Variants in MS4A6A observed in about 807,000 individuals in gnomAD.
The protein encoded by MS4A6A is membrane-spanning 4-domains subfamily A member 6A.
MS4A6A carries 19 observed loss-of-function variants against 20.6 expected under a neutral mutation model. The ratio of observed to expected loss-of-function variants is 0.92; its 90% CI spans 0.64 to 1.36. The LOEUF (loss-of-function observed/expected upper bound fraction) is 1.36. Among genes scored for constraint, MS4A6A ranks in the 40% most tolerant of loss-of-function variants. The pLI, the probability that MS4A6A is intolerant of heterozygous loss-of-function variation, is 0.00. For missense variants in MS4A6A, 272 were observed against 261.1 expected, an observed-to-expected ratio of 1.04 and a Z score of -0.29; for synonymous variants, 108 against 105.0, an observed-to-expected ratio of 1.03 and a Z score of -0.17.
chr11:60,177,679 G>C (rs1590673923), intron 4 of MS4A6A, among the ~76,000 whole-genome samples: 1 of 152,174 alleles, frequency 6.6e-6, no homozygotes, highest in East Asian at 1.9e-4. Flanking sequence ...TGAGATAGAT[G>C]AAAGGATACA....
At position 60,175,577 on chromosome 11, in the gene MS4A6A, G is replaced by A; in HGVS notation, c.374C>T (p.Ala125Val). ...AATGAAACCCACCAGGGCAGACAGA[G>A]CACTCAGAATGCTTCCAACCAGGCT... Reference protein sequence around the residue: ...HSSLVGSILSALSALVGFIIL... With the variant: ...HSSLVGSILSVLSALVGFIIL... The change falls in exon 5 of 6, where the codon GCT becomes GTT. Residue 125 changes from alanine to valine, a missense_variant. Transcript: ENST00000528851. The A allele has an allele frequency of 1.9e-6, 3 of 1,613,836 alleles. No individual in the cohort carries two copies. Among genetic ancestry groups the A allele is most frequent in the Non-Finnish European group, 2.5e-6 (3 of 1,180,018 alleles).
At position 60,172,980 on chromosome 11, in the gene MS4A6A, G is replaced by A. The variant is rs1856655210; in HGVS notation, c.*21C>T. ...GGTGACATACTCAACACAGTGCAGGGATAAGATACACTAGGCAAGGTTAAG... is the reference window on the plus strand; with the variant it reads ...GGTGACATACTCAACACAGTGCAGGAATAAGATACACTAGGCAAGGTTAAG... On this transcript the variant is annotated 3_prime_UTR_variant, in exon 6 of 6. Transcript: ENST00000528851. 1 of 1,613,414 alleles carries A rather than the reference G, an allele frequency of 6.2e-7. No homozygotes were observed. Among genetic ancestry groups the A allele is most frequent in the Non-Finnish European group, 8.5e-7 (1 of 1,179,674 alleles).
At chr11:60,173,259 G>A (rs182617735) in intron 5 of MS4A6A, 130 bp from the exon 6 acceptor site, 44 of 763,318 alleles carry the variant, frequency 5.8e-5, no homozygotes, top group South Asian at 3.0e-4. Context: ...CCATCAGGAA[G>A]ATAAAACTGC....
chr11:60,181,498 C>T (rs755737333), intron 2 of MS4A6A, 83 bp downstream of exon 2: 65 of 1,558,794 alleles, frequency 4.2e-5, no homozygotes, highest in Non-Finnish European at 4.9e-5. Context: ...TCCACACTCA[C>T]GACAGATGTC....
At chr11:60,173,502 T>G (rs564971991) in intron 5 of MS4A6A, among the ~76,000 whole-genome samples, 31 of 152,340 alleles carry the variant, frequency 2.0e-4, no homozygotes, top group African/African-American at 6.0e-4. Context: ...CTTTACTGCT[T>G]AGTAGCTGTG....
At chr11:60,184,506 G>A (rs1451688307), upstream of MS4A6A, 2 of 152,204 alleles carry the variant, frequency 1.3e-5, no homozygotes, top group African/African-American at 2.4e-5. Flanking sequence ...TTTCCCTTCA[G>A]GGGAATGTGC....
chr11:60,178,809 C>G, intron 3 of MS4A6A: 1 of 438,808 alleles, frequency 2.3e-6, no homozygotes, highest in South Asian at 1.6e-5. Context: ...CATCACCACC[C>G]AAAAATTCAT....
At chr11:60,181,298 T>C (rs193256822) in intron 2 of MS4A6A, 42 of 461,576 alleles carry the variant, frequency 9.1e-5, no homozygotes, top group African/African-American at 6.6e-4. Flanking sequence ...TTTACCACCA[T>C]TACTTTTGTA....
intron 2 of MS4A6A, 151 bp downstream of exon 2, chr11:60,181,430 G>C (rs1248168956): frequency 2.5e-6 from 2 of 805,034 alleles, no homozygotes; most frequent in Non-Finnish European, 3.9e-6. Flanking sequence ...AAAAGTTCTG[G>C]GACAGTTTTC....
At chr11:60,178,864 T>C (rs1320497887) in intron 3 of MS4A6A, 1 of 426,452 alleles carries the variant, frequency 2.3e-6, no homozygotes, top group African/African-American at 2.1e-5. Context: ...CAAACCCAAA[T>C]TTAGGAACAT....
chr11:60,178,253 T>C lies in MS4A6A; in HGVS notation c.339+7A>G, dbSNP rs1289242607. 6.2e-7 allele frequency: 1 copy of C among 1,610,336 alleles called. No individual in the cohort carries two copies. The highest frequency in any genetic ancestry group is 8.5e-7 in the Non-Finnish European group (1 of 1,176,618). On this transcript the variant is annotated splice_region_variant and intron_variant, in intron 4 of 5. Coordinates refer to ENST00000528851, the MANE Select transcript of MS4A6A (RefSeq NM_022349.4). ...ATTGGGTTGTGGGTTATAGCTCTCT[T>C]ACTCACCAAAAGCTTGGTTAACCTT...
rs1856629694 is a variant in MS4A6A at position 60,172,520 on chromosome 11, A to C, written c.*481T>G. On this transcript the variant is annotated 3_prime_UTR_variant, in exon 6 of 6. Coordinates refer to ENST00000528851, the MANE Select transcript of MS4A6A (RefSeq NM_022349.4). Reference sequence around the variant, plus strand: ...GGTTTGATTCAACAATACATTTTTAATATAGCTTTAAAAAGGCAAACGAAT... The same window carrying C: ...GGTTTGATTCAACAATACATTTTTACTATAGCTTTAAAAAGGCAAACGAAT... 1.7e-6 allele frequency: 2 copies of C among 1,171,222 alleles called. No homozygotes were observed. Among genetic ancestry groups the C allele is most frequent in the Admixed American group, 8.3e-5 (2 of 24,154 alleles). The allele number at this position is 1,171,222 out of a possible 1,614,324, so 72.6% of individuals were successfully genotyped here. A position where few individuals can be genotyped will look rare whatever the true frequency, so the allele number is the denominator to read the frequency against.
At position 60,182,933 on chromosome 11, in the gene MS4A6A, G is replaced by A. The variant is rs577683097; in HGVS notation, c.-15+45C>T. 8.9e-5 allele frequency: 111 copies of A among 1,241,504 alleles called. No individual in the cohort carries two copies. In the African/African-American group the frequency reaches 1.7e-3, roughly 19 times the overall value. The allele number at this position is 1,241,504 out of a possible 1,614,324, so 76.9% of individuals were successfully genotyped here. The stretch of plus-strand genomic sequence containing the variant: ...TAAATTACTCCTCTAATGAGGTCAC[G>A]GCAAGGGAATAGTGAGATGAGAAAA... On this transcript the variant is annotated intron_variant, in intron 1 of 5. Transcript: ENST00000528851.
chr11:60,175,354 CT>C (rs1192266077), intron 5 of MS4A6A, 47 bp downstream of exon 5: 2 of 1,456,764 alleles, frequency 1.4e-6, no homozygotes. Context: ...GAAATCAAGG[CT>C]TTTGAATACC....
chr11:60,180,756 C>G (rs1312682100), intron 2 of MS4A6A: 1 of 267,466 alleles, frequency 3.7e-6, no homozygotes, highest in South Asian at 3.8e-5. Context: ...GGGACAGAAA[C>G]CAAATACTGC....
At chr11:60,171,816 G>C (rs1269481275), downstream of MS4A6A, among the ~76,000 whole-genome samples, 1 of 152,150 alleles carries the variant, frequency 6.6e-6, no homozygotes, top group Admixed American at 6.5e-5. Flanking sequence ...GCTTCACTGT[G>C]ATCCATTGAA....
At chr11:60,183,178 A>G (rs1021576148), upstream of MS4A6A, 17 of 1,535,886 alleles carry the variant, frequency 1.1e-5, no homozygotes, top group Non-Finnish European at 1.5e-5. Flanking sequence ...CCTTTTCTGT[A>G]AACTTCTAGC....
chr11:60,172,690 G>A lies in MS4A6A; in HGVS notation c.*311C>T. The A allele has an allele frequency of 8.4e-7, 1 of 1,185,628 alleles. No homozygotes were observed. Among genetic ancestry groups the A allele is most frequent in the Non-Finnish European group, 1.1e-6 (1 of 946,680 alleles). The allele number at this position is 1,185,628 out of a possible 1,614,324, so 73.4% of individuals were successfully genotyped here. The stretch of plus-strand genomic sequence containing the variant: ...TTCTGCTTATAAGGGAGGCAAGCCA[G>A]GTTCTAGTGTCCTCAGCAAAGGCAC... On this transcript the variant is annotated 3_prime_UTR_variant, in exon 6 of 6. Transcript: ENST00000528851.
At chr11:60,176,319 G>A (rs1186098551) in intron 4 of MS4A6A, among the ~76,000 whole-genome samples, 1 of 152,110 alleles carries the variant, frequency 6.6e-6, no homozygotes, top group East Asian at 1.9e-4. Flanking sequence ...ACAAGAAAAA[G>A]GTCTGAACTG....
Sources: allele counts gnomAD v4.1 joint callset (sites outside exome capture counted in the v4.1 genomes callset), GRCh38; gene constraint gnomAD v4.1.1; transcripts MANE v1.5; gene names NCBI Gene and HGNC (gene_info 2026-07-23, HGNC 2026-07-21).